HPSE2: variants seen among roughly 807,000 people sequenced by gnomAD.
The protein encoded by HPSE2 is heparanase 2 (inactive).
In HPSE2, 38 loss-of-function variants were observed where a neutral mutation model predicts 60.5. The observed-to-expected ratio is 0.63, with a 90% CI of 0.48 to 0.82. HPSE2 has a LOEUF of 0.82. Among genes scored for constraint, HPSE2 ranks in the 40% least tolerant of loss-of-function variants. The pLI, the probability that HPSE2 is intolerant of heterozygous loss-of-function variation, is 0.00. For synonymous variants in HPSE2, 295 were observed against 293.2 expected (o/e 1.01, Z -0.06); for missense variants, 713 against 740.4 (o/e 0.96, Z 0.43).
intron 4 of HPSE2, among the ~76,000 whole-genome samples, chr10:98,723,741 TTTATTTG>T (rs1335539472): frequency 6.6e-6 from 1 of 152,206 alleles, no homozygotes; most frequent in Non-Finnish European, 1.5e-5. Flanking sequence ...GATTTTCTAG[TTTATTTG>T]CGTAGAGGTG....
upstream of HPSE2, among the ~76,000 whole-genome samples, chr10:99,239,719 C>T (rs965859047): frequency 6.6e-6 from 1 of 151,654 alleles, no homozygotes; most frequent in Non-Finnish European, 1.5e-5. Flanking sequence ...CATGAGCCAC[C>T]ACGCCCAGCC....
At chr10:98,788,419 A>T (rs1054030803) in intron 3 of HPSE2, among the ~76,000 whole-genome samples, 1 of 92,862 alleles carries the variant, frequency 1.1e-5, no homozygotes, top group African/African-American at 3.4e-5. Flanking sequence ...CCCTGCCCCC[A>T]GAGATGGAGC....
intron 6 of HPSE2, among the ~76,000 whole-genome samples, chr10:98,676,294 CTGT>C (rs1158397514): frequency 1.3e-5 from 2 of 152,144 alleles, no homozygotes; most frequent in Non-Finnish European, 2.9e-5. Context: ...TTTGCTCAGA[CTGT>C]TGTTCAGAGT....
chr10:98,752,629 G>C (rs1344484547), intron 3 of HPSE2, among the ~76,000 whole-genome samples: 1 of 152,160 alleles, frequency 6.6e-6, no homozygotes, highest in Non-Finnish European at 1.5e-5. Context: ...CAAAAGTCTT[G>C]AAAGGGTATA....
chr10:98,695,820 T>TG (rs1203130120), intron 5 of HPSE2, among the ~76,000 whole-genome samples: 1 of 152,192 alleles, frequency 6.6e-6, no homozygotes, highest in Non-Finnish European at 1.5e-5. Flanking sequence ...TCTGGCCCTA[T>TG]GCCTCTAAAA....
the HPSE2 span, among the ~76,000 whole-genome samples, chr10:99,265,461 GGAA>G: frequency 5.3e-5 from 8 of 152,308 alleles, no homozygotes; most frequent in Non-Finnish European, 1.0e-4. Context: ...GAGAGCAAAA[GGAA>G]GAATAGCTAG....
intron 9 of HPSE2, among the ~76,000 whole-genome samples, chr10:98,532,518 A>C (rs1192178341): frequency 6.6e-6 from 1 of 152,178 alleles, no homozygotes; most frequent in Non-Finnish European, 1.5e-5. Flanking sequence ...TAAATAATAC[A>C]TTTTGGGTAA....
intron 3 of HPSE2, among the ~76,000 whole-genome samples, chr10:98,849,885 C>G (rs1400724197): frequency 6.6e-6 from 1 of 151,656 alleles, no homozygotes; most frequent in Non-Finnish European, 1.5e-5. Context: ...GCTGGGATTA[C>G]AGGCATGGGT....
chr10:98,719,673 G>C (rs1414664577), intron 5 of HPSE2, among the ~76,000 whole-genome samples: 1 of 132,704 alleles, frequency 7.5e-6, no homozygotes, highest in East Asian at 2.2e-4. Context: ...TGGATTTCAA[G>C]CAGAAGTGAC....
intron 3 of HPSE2, among the ~76,000 whole-genome samples, chr10:98,791,404 A>C (rs1433321024): frequency 6.6e-6 from 1 of 152,192 alleles, no homozygotes. Context: ...ATGTTGAGGA[A>C]TGGGAATGCG....
At chr10:99,184,819 T>TATATATATATAGAGAG (rs1554912295) in intron 2 of HPSE2, among the ~76,000 whole-genome samples, 2 of 19,864 alleles carry the variant, frequency 1.0e-4, no homozygotes, top group Non-Finnish European at 2.0e-4. Context: ...TATATATATA[T>TATATATATATAGAGAG]AGAGAGAGAG....
At chr10:98,758,386 C>A (rs1949929143) in intron 3 of HPSE2, among the ~76,000 whole-genome samples, 1 of 150,124 alleles carries the variant, frequency 6.7e-6, no homozygotes, top group Non-Finnish European at 1.5e-5. Context: ...GAACTATCAG[C>A]AAACAGACAA....
At chr10:99,129,994 G>T (rs938609658) in intron 3 of HPSE2, among the ~76,000 whole-genome samples, 2 of 151,940 alleles carry the variant, frequency 1.3e-5, no homozygotes, top group Non-Finnish European at 2.9e-5. Flanking sequence ...AAGGCTACCA[G>T]GAACACCTTT....
At chr10:99,045,992 C>G (rs1217021874) in intron 3 of HPSE2, among the ~76,000 whole-genome samples, 2 of 152,076 alleles carry the variant, frequency 1.3e-5, no homozygotes, top group African/African-American at 4.8e-5. Context: ...TTTTAGGAAG[C>G]CAACATCAGC....
intron 3 of HPSE2, among the ~76,000 whole-genome samples, chr10:98,934,625 A>G (rs7098178): frequency 0.8 from 114,772 of 143,092 alleles, 48,706 homozygotes; most frequent in South Asian, 0.86. Flanking sequence ...TCTGGCTTGC[A>G]GAGTTTCTGC....
intron 3 of HPSE2, among the ~76,000 whole-genome samples, chr10:98,880,039 T>C (rs1410800649): frequency 1.3e-5 from 2 of 152,056 alleles, no homozygotes; most frequent in Admixed American, 6.6e-5. Flanking sequence ...GCTGGAGGCA[T>C]GTCTTTTGGC....
chr10:98,860,582 G>A (rs1205374000), intron 3 of HPSE2, among the ~76,000 whole-genome samples: 1 of 152,048 alleles, frequency 6.6e-6, no homozygotes, highest in African/African-American at 2.4e-5. Context: ...TTACAGATGG[G>A]GAAACTGAAA....
the HPSE2 span, among the ~76,000 whole-genome samples, chr10:99,278,356 A>G: frequency 6.6e-6 from 1 of 152,092 alleles, no homozygotes; most frequent in Admixed American, 6.5e-5. Flanking sequence ...ATAAAATTTG[A>G]CCCTATCACC....
the HPSE2 span, among the ~76,000 whole-genome samples, chr10:99,288,046 G>C: frequency 6.6e-6 from 1 of 152,160 alleles, no homozygotes; most frequent in African/African-American, 2.4e-5. Context: ...GTAATAATTT[G>C]AGTTGAAAAA....
Sources: allele counts gnomAD v4.1 joint callset (sites outside exome capture counted in the v4.1 genomes callset), GRCh38; gene constraint gnomAD v4.1.1; transcripts MANE v1.5; gene names NCBI Gene and HGNC (gene_info 2026-07-23, HGNC 2026-07-21).